Variants in SUGCT observed in about 807,000 individuals in gnomAD.
SUGCT encodes succinyl-CoA:glutarate-CoA transferase.
SUGCT carries 41 observed loss-of-function variants against 55.0 expected under a neutral mutation model. That is an observed-to-expected ratio of 0.74 (90% CI 0.58 to 0.97). SUGCT has a LOEUF of 0.97. Ranked by LOEUF, SUGCT falls within the 50% of genes least tolerant of loss-of-function variation. SUGCT has a pLI of 0.00. For missense variants in SUGCT, 568 were observed against 547.8 expected (o/e 1.04, Z -0.37); for synonymous variants, 187 against 200.4 (o/e 0.93, Z 0.56).
chr7:40,188,441 AAAAAAAAAAAAAAACAAACCCC>A (rs1785676311), intron 3 of SUGCT, 32 bp from the exon 4 acceptor site: 2 of 1,241,540 alleles, frequency 1.6e-6, no homozygotes, highest in African/African-American at 3.1e-5. Context: ...CTCCAAAAAA[AAAAAAAAAAAAAAACAAACCCC>A]AAAGATTAAT....
At chr7:41,019,311 G>T in the SUGCT span, among the ~76,000 whole-genome samples, 3 of 152,184 alleles carry the variant, frequency 2.0e-5, no homozygotes, top group African/African-American at 7.2e-5. Context: ...CGATTTACAT[G>T]TCATCCACAT....
intron 12 of SUGCT, 118 bp from the exon 13 acceptor site, chr7:40,749,316 C>T: frequency 1.2e-6 from 1 of 806,934 alleles, no homozygotes; most frequent in Admixed American, 1.9e-5. Context: ...ATGTTAAACA[C>T]TTCTGTGTTT....
At chr7:40,847,411 C>CTTTTTTTTTTTTTTTTTTTTTTTTTTTT (rs981613426) in intron 13 of SUGCT, among the ~76,000 whole-genome samples, 1 of 75,398 alleles carries the variant, frequency 1.3e-5, no homozygotes, top group Admixed American at 1.6e-4. Context: ...TTCTTTCTTT[C>CTTTTTTTTTTTTTTTTTTTTTTTTTTTT]TTTTTTTTTT....
chr7:40,766,441 C>G (rs1788794902), intron 13 of SUGCT, among the ~76,000 whole-genome samples: 1 of 152,154 alleles, frequency 6.6e-6, no homozygotes. Flanking sequence ...AACTCCTGAC[C>G]TCAGGTGATC....
At chr7:40,667,470 A>G (rs1364499093) in intron 12 of SUGCT, among the ~76,000 whole-genome samples, 7 of 151,944 alleles carry the variant, frequency 4.6e-5, no homozygotes, top group Admixed American at 2.6e-4. Flanking sequence ...AGAATGAGTT[A>G]GGGAGGAGTC....
the SUGCT span, among the ~76,000 whole-genome samples, chr7:41,036,096 T>A: frequency 0.61 from 92,014 of 152,082 alleles, 28,451 homozygotes; most frequent in Non-Finnish European, 0.67. Context: ...CTGTGGGAAG[T>A]CTTGCTTACT....
intron 12 of SUGCT, among the ~76,000 whole-genome samples, chr7:40,614,585 T>G (rs1798907055): frequency 6.6e-6 from 1 of 152,232 alleles, no homozygotes; most frequent in African/African-American, 2.4e-5. Context: ...TTGTGCTGTT[T>G]TTTTTTAAAG....
intron 9 of SUGCT, among the ~76,000 whole-genome samples, chr7:40,364,502 C>A (rs1442785249): frequency 2.0e-5 from 3 of 152,140 alleles, no homozygotes; most frequent in African/African-American, 7.2e-5. Flanking sequence ...TCTTGTAGGG[C>A]AGGCCTGGTG....
At chr7:40,890,484 C>T in the SUGCT span, among the ~76,000 whole-genome samples, 1 of 151,346 alleles carries the variant, frequency 6.6e-6, no homozygotes, top group Admixed American at 6.6e-5. Context: ...CAGGCTTCTG[C>T]CCCATCTGAG....
chr7:40,138,250 G>C (rs1787798310), intron 1 of SUGCT, among the ~76,000 whole-genome samples: 1 of 152,144 alleles, frequency 6.6e-6, no homozygotes, highest in Non-Finnish European at 1.5e-5. Flanking sequence ...GGCAATATTT[G>C]TTTTTCTGTG....
the SUGCT span, among the ~76,000 whole-genome samples, chr7:40,992,348 C>T: frequency 6.6e-6 from 1 of 152,144 alleles, no homozygotes; most frequent in Non-Finnish European, 1.5e-5. Context: ...CCAGAGGTCA[C>T]TTTCATGGCC....
chr7:40,558,224 G>T (rs1228408007), intron 12 of SUGCT, among the ~76,000 whole-genome samples: 1 of 152,132 alleles, frequency 6.6e-6, no homozygotes, highest in East Asian at 1.9e-4. Flanking sequence ...TTCTCCAGAA[G>T]TTAAACATAA....
the SUGCT span, among the ~76,000 whole-genome samples, chr7:40,905,008 A>G: frequency 6.6e-5 from 10 of 152,328 alleles, no homozygotes; most frequent in East Asian, 5.8e-4. Flanking sequence ...ATTACTTTCA[A>G]GTAAAATCTC....
intron 13 of SUGCT, among the ~76,000 whole-genome samples, chr7:40,751,925 G>A (rs1297741134): frequency 6.6e-6 from 1 of 152,198 alleles, no homozygotes. Context: ...GTAAGTGAAC[G>A]AAAGCTAAAT....
intron 12 of SUGCT, among the ~76,000 whole-genome samples, chr7:40,560,275 C>T (rs544396122): frequency 1.3e-5 from 2 of 152,010 alleles, no homozygotes; most frequent in South Asian, 4.2e-4. Context: ...CATGCATGCA[C>T]ATATATATAT....
the SUGCT span, among the ~76,000 whole-genome samples, chr7:41,021,548 G>GA: frequency 6.6e-6 from 1 of 151,976 alleles, no homozygotes; most frequent in Non-Finnish European, 1.5e-5. Flanking sequence ...GAGCTAGCAA[G>GA]AAAAAACATG....
chr7:40,512,069 C>T (rs2151553915), intron 12 of SUGCT, among the ~76,000 whole-genome samples: 1 of 152,244 alleles, frequency 6.6e-6, no homozygotes, highest in Non-Finnish European at 1.5e-5. Context: ...TGCTAATTTA[C>T]AAAATGTAAT....
intron 9 of SUGCT, among the ~76,000 whole-genome samples, chr7:40,383,405 G>A (rs1784966767): frequency 6.6e-6 from 1 of 152,128 alleles, no homozygotes; most frequent in Admixed American, 6.6e-5. Flanking sequence ...ATTAGGACGG[G>A]TTCAAGACAT....
intron 12 of SUGCT, among the ~76,000 whole-genome samples, chr7:40,521,226 T>A (rs931270195): frequency 6.6e-6 from 1 of 152,130 alleles, no homozygotes; most frequent in Non-Finnish European, 1.5e-5. Context: ...CCCCGTGTGA[T>A]GCTGTTCTCA....
Sources: allele counts gnomAD v4.1 joint callset (sites outside exome capture counted in the v4.1 genomes callset), GRCh38; gene constraint gnomAD v4.1.1; transcripts MANE v1.5; gene names NCBI Gene and HGNC (gene_info 2026-07-23, HGNC 2026-07-21).